The following RASGRP3 variants were observed in gnomAD, a reference collection of about 807,000 sequenced individuals.
The protein encoded by RASGRP3 is ras guanyl-releasing protein 3.
In RASGRP3, 54 loss-of-function variants were observed where a neutral mutation model predicts 82.7. The ratio of observed to expected loss-of-function variants is 0.65; its 90% CI spans 0.52 to 0.82. The LOEUF (loss-of-function observed/expected upper bound fraction) is 0.82, where lower values mean the gene tolerates loss of function less well. Ranked by LOEUF, RASGRP3 falls within the 40% of genes least tolerant of loss-of-function variation. The pLI is 0.00. For missense variants in RASGRP3, 861 were observed against 828.9 expected, an observed-to-expected ratio of 1.04 and a Z score of -0.48; for synonymous variants, 309 against 300.5, an observed-to-expected ratio of 1.03 and a Z score of -0.29.
At chr2:33,468,032 CTT>C (rs1361959331) in intron 2 of RASGRP3, among the ~76,000 whole-genome samples, 2 of 119,804 alleles carry the variant, frequency 1.7e-5, no homozygotes, top group Non-Finnish European at 3.3e-5. Flanking sequence ...TTCTTTCTTT[CTT>C]TCTTTCTTTC....
intron 2 of RASGRP3, among the ~76,000 whole-genome samples, chr2:33,453,870 T>G (rs1250483801): frequency 6.6e-6 from 1 of 152,248 alleles, no homozygotes; most frequent in Non-Finnish European, 1.5e-5. Flanking sequence ...ATTTTTGAAA[T>G]TACACACATA....
intron 1 of RASGRP3, among the ~76,000 whole-genome samples, chr2:33,487,304 C>T (rs369432688): frequency 1.1e-4 from 16 of 151,884 alleles, no homozygotes; most frequent in South Asian, 2.1e-4. Flanking sequence ...GCAATAAGGA[C>T]GACAGATCAG....
chr2:33,459,195 C>T (rs1044468419), intron 2 of RASGRP3, among the ~76,000 whole-genome samples: 7 of 151,924 alleles, frequency 4.6e-5, no homozygotes, highest in African/African-American at 1.5e-4. Flanking sequence ...AGTGCAGTGG[C>T]GCAGTCTTGG....
intron 9 of RASGRP3, among the ~76,000 whole-genome samples, chr2:33,525,053 C>T (rs1010367533): frequency 1.5e-4 from 23 of 148,576 alleles, no homozygotes; most frequent in Admixed American, 5.4e-4. Context: ...TGCACTCCAA[C>T]CTGGGCGATA....
chr2:33,453,206 T>G (rs896677627), intron 2 of RASGRP3, among the ~76,000 whole-genome samples: 1 of 152,006 alleles, frequency 6.6e-6, no homozygotes, highest in African/African-American at 2.4e-5. Context: ...AAGCAATGAG[T>G]GTATTATAAA....
chr2:33,514,448 T>A (rs1054836782), intron 2 of RASGRP3, among the ~76,000 whole-genome samples: 1 of 140,100 alleles, frequency 7.1e-6, no homozygotes, highest in African/African-American at 2.7e-5. Context: ...GTAGGTAGAT[T>A]GCTTGAACTC....
At chr2:33,486,317 C>T (rs866194424) in intron 1 of RASGRP3, among the ~76,000 whole-genome samples, 2 of 152,108 alleles carry the variant, frequency 1.3e-5, no homozygotes, top group Non-Finnish European at 1.5e-5. Context: ...GTGCCCACCA[C>T]CAAACCCAGC....
chr2:33,505,578 C>T (rs552254730), intron 1 of RASGRP3, among the ~76,000 whole-genome samples: 1 of 152,118 alleles, frequency 6.6e-6, no homozygotes, highest in Admixed American at 6.5e-5. Flanking sequence ...GGATTACAGG[C>T]GTGAGCCACC....
At chr2:33,452,914 G>C (rs1558397379) in intron 2 of RASGRP3, among the ~76,000 whole-genome samples, 1 of 152,180 alleles carries the variant, frequency 6.6e-6, no homozygotes, top group Non-Finnish European at 1.5e-5. Flanking sequence ...TGCTAGCCTA[G>C]AGCCTGGGAT....
Position 33,528,670 on chromosome 2 carries a change from T to C in RASGRP3, c.1083+1258T>C, listed in dbSNP as rs139559518. Among the ~76,000 whole-genome samples, 314 of 152,308 alleles carry C rather than the reference T, an allele frequency of 2.1e-3. 2 individuals carry two copies. The highest frequency in any genetic ancestry group is 7.2e-3 in the African/African-American group (300 of 41,564). The stretch of plus-strand genomic sequence containing the variant: ...ATAGGAGTGTGGTTTCTCGCCCTTC[T>C]CACAAACTGTTCCTAGACCATGTAA... On this transcript the variant is annotated intron_variant, in intron 10 of 17. Coordinates refer to ENST00000403687, the MANE Select transcript of RASGRP3 (RefSeq NM_001139488.2).
chr2:33,483,817 T>A (rs1668141226), intron 1 of RASGRP3, among the ~76,000 whole-genome samples: 1 of 152,190 alleles, frequency 6.6e-6, no homozygotes, highest in East Asian at 1.9e-4. Flanking sequence ...TGTTGAATTG[T>A]TTCAAAATCA....
intron 12 of RASGRP3, among the ~76,000 whole-genome samples, chr2:33,542,600 A>G (rs1019641165): frequency 2.7e-5 from 4 of 147,120 alleles, no homozygotes; most frequent in African/African-American, 9.7e-5. Flanking sequence ...CTCAACCCTG[A>G]GGTTTCAGTT....
At chr2:33,443,507 C>T (rs1361278749) in intron 1 of RASGRP3, among the ~76,000 whole-genome samples, 2 of 152,032 alleles carry the variant, frequency 1.3e-5, no homozygotes, top group African/African-American at 2.4e-5. Context: ...CTCTGGTTAG[C>T]CTGATATGGA....
chr2:33,515,701 G>A (rs547040057), intron 3 of RASGRP3, among the ~76,000 whole-genome samples: 49 of 152,124 alleles, frequency 3.2e-4, no homozygotes, highest in African/African-American at 1.1e-3. Context: ...ATTCATACAC[G>A]TCATATCTGC....
intron 17 of RASGRP3, among the ~76,000 whole-genome samples, chr2:33,560,547 A>G (rs1676532408): frequency 6.6e-6 from 1 of 152,218 alleles, no homozygotes; most frequent in African/African-American, 2.4e-5. Context: ...GCATTAAACA[A>G]ACAGATTCTC....
At position 33,523,971 on chromosome 2, in the gene RASGRP3, G is replaced by A. The variant is rs1672279673; in HGVS notation, c.609G>A (p.Lys203=). The A allele has an allele frequency of 2.5e-6, 4 of 1,613,830 alleles. No homozygotes were observed. The African/African-American group carries it at 5.3e-5, about 22-fold the overall frequency. Reference sequence around the variant, plus strand: ...TTGCTTTATTTAATGGAATCTCTAAGTGGGTCCAGTTGATGGTTCTTAGCA... The same window carrying A: ...TTGCTTTATTTAATGGAATCTCTAAATGGGTCCAGTTGATGGTTCTTAGCA... ...RSIALFNGIS[K]WVQLMVLSKP... The change falls in exon 8 of 18, where the codon AAG becomes AAA. Residue 203 remains lysine, a synonymous_variant. Coordinates refer to ENST00000403687, the MANE Select transcript of RASGRP3 (RefSeq NM_001139488.2).
chr2:33,532,681 T>A (rs1673217204), intron 10 of RASGRP3: 1 of 152,190 alleles, frequency 6.6e-6, no homozygotes, highest in Non-Finnish European at 1.5e-5. Flanking sequence ...ATTGTCATGA[T>A]CTTGAAATGA....
intron 6 of RASGRP3, 123 bp from the exon 7 acceptor site, chr2:33,521,831 CA>C: frequency 8.8e-7 from 1 of 1,131,912 alleles, no homozygotes; most frequent in Non-Finnish European, 1.2e-6. Flanking sequence ...ATATGAAAGA[CA>C]GGGCATGTAT....
chr2:33,472,393 G>A (rs963475024), upstream of RASGRP3, among the ~76,000 whole-genome samples: 1 of 152,216 alleles, frequency 6.6e-6, no homozygotes, highest in Admixed American at 6.5e-5. Context: ...GCCCGGAGGG[G>A]CTTTCAGTCC....
Sources: allele counts gnomAD v4.1 joint callset (sites outside exome capture counted in the v4.1 genomes callset), GRCh38; gene constraint gnomAD v4.1.1; transcripts MANE v1.5; gene names NCBI Gene and HGNC (gene_info 2026-07-23, HGNC 2026-07-21).